Variants in SH2D3A observed in about 807,000 individuals in gnomAD.
SH2D3A encodes the protein SH2 domain containing 3A, also known as SH2 domain-containing protein 3A.
In SH2D3A, 46 loss-of-function variants were observed where a neutral mutation model predicts 50.6. The observed-to-expected ratio is 0.91, with a 90% confidence interval of 0.72 to 1.16. SH2D3A has a LOEUF of 1.16. SH2D3A is among the 50% of genes most tolerant of loss of function. The pLI is 0.00. For synonymous variants in SH2D3A, 377 were observed against 348.4 expected (o/e 1.08, Z -0.91); for missense variants, 783 against 786.2 (o/e 1.00, Z 0.05).
chr19:6,760,415 G>A (rs1370419782), intron 3 of SH2D3A, among the ~76,000 whole-genome samples: 1 of 150,266 alleles, frequency 6.7e-6, no homozygotes, highest in Non-Finnish European at 1.5e-5. Context: ...AAAATTAGCT[G>A]GGCGTGGTGG....
chr19:6,759,705 C>A, intron 3 of SH2D3A, 35 bp from the exon 4 acceptor site: 1 of 1,602,576 alleles, frequency 6.2e-7, no homozygotes. Flanking sequence ...CTGTAGTCCC[C>A]ACCTAAGCAG....
intron 1 of SH2D3A, among the ~76,000 whole-genome samples, chr19:6,766,421 G>A (rs2144658558): frequency 6.6e-6 from 1 of 152,320 alleles, no homozygotes; most frequent in African/African-American, 2.4e-5. Flanking sequence ...GCACGGAAGA[G>A]AAGAAACGGG....
At chr19:6,759,455 T>A (rs925982315) in intron 4 of SH2D3A, 139 bp downstream of exon 4, 2 of 758,802 alleles carry the variant, frequency 2.6e-6, no homozygotes, top group African/African-American at 3.5e-5. Context: ...CCCTGCATGT[T>A]TTAAGTCATC....
chr19:6,755,977 G>C (rs1969643830), intron 4 of SH2D3A, among the ~76,000 whole-genome samples: 1 of 150,768 alleles, frequency 6.6e-6, no homozygotes, highest in East Asian at 2.0e-4. Context: ...TACTTGGGAG[G>C]CAGAGGTGGG....
rs1166967286 is a variant in SH2D3A, at chr19:6,752,724, C to T, written c.1600G>A (p.Ala534Thr). 6.4e-7 allele frequency: 1 copy of T among 1,551,568 alleles called. No homozygotes were observed. The change falls in exon 10 of 10, where the codon GCC becomes ACC. Residue 534 changes from alanine (A) to threonine (T), a missense_variant. Ala to Thr is a moderately conservative substitution (Grantham distance 58). Coordinates refer to ENST00000245908, the MANE Select transcript of SH2D3A (RefSeq NM_005490.3). ...GFRPNPELRE[A>T]LTTGFVRRLL... ...CTCCGCACGAAGCCGGTGGTCAGGGCCTCCCTCAGCTCCGGGTTAGGCCGG... is the reference window on the plus strand; with the variant it reads ...CTCCGCACGAAGCCGGTGGTCAGGGTCTCCCTCAGCTCCGGGTTAGGCCGG...
At chr19:6,755,429 T>C in intron 4 of SH2D3A, 114 bp from the exon 5 acceptor site, 1 of 681,458 alleles carries the variant, frequency 1.5e-6, no homozygotes, top group Non-Finnish European at 2.3e-6. Flanking sequence ...ATTCCAATAA[T>C]GGGGTATAAC....
intron 4 of SH2D3A, 165 bp downstream of exon 4, chr19:6,759,429 T>C: frequency 3.1e-6 from 2 of 649,304 alleles, no homozygotes; most frequent in East Asian, 5.6e-5. Flanking sequence ...ACACACATTT[T>C]AAGCACCCAC....
At position 6,753,521 on chromosome 19, in the gene SH2D3A, T is replaced by C; in HGVS notation, c.1505A>G (p.His502Arg). ...ESCERLLRTLHGARHMVRDAP... is the reference protein window; with the variant it reads ...ESCERLLRTLRGARHMVRDAP... ...GTCCCGGACCATGTGACGCGCCCCG[T>C]GCAGGGTGCGCAACAGCCGCTCACA... The change falls in exon 9 of 10, where the codon CAC becomes CGC. Residue 502 changes from histidine (H) to arginine (R), a missense_variant. By Grantham distance (29) the His-to-Arg change is conservative. Transcript: ENST00000245908. The C allele has an allele frequency of 6.4e-7, 1 of 1,561,244 alleles. No homozygotes were observed. Among genetic ancestry groups the C allele is most frequent in the Non-Finnish European group, 8.7e-7 (1 of 1,153,168 alleles).
intron 9 of SH2D3A, 194 bp downstream of exon 9, chr19:6,753,262 T>C (rs540575541): frequency 4.1e-6 from 4 of 985,394 alleles, no homozygotes; most frequent in South Asian, 4.7e-5. Context: ...GACGGCCCTG[T>C]TCCTATCAAT....
At chr19:6,757,244 G>A (rs377151440) in intron 4 of SH2D3A, 96 of 146,764 alleles carry the variant, frequency 6.5e-4, no homozygotes, top group African/African-American at 2.3e-3. Context: ...CATTCTGCAC[G>A]TGTATCTTTT....
Position 6,763,680 on chromosome 19 carries a change from C to A in SH2D3A, c.69G>T (p.Gln23His), listed in dbSNP as rs776187036. 3 of 1,612,134 alleles carry A rather than the reference C, an allele frequency of 1.9e-6. No individual in the cohort carries two copies. The highest frequency in any genetic ancestry group is 2.2e-5 in the South Asian group (2 of 90,420). The change falls in exon 2 of 10, where the codon CAG becomes CAT. Residue 23 changes from glutamine (Q) to histidine (H), a missense_variant and splice_region_variant. Transcript: ENST00000245908. ...QPWYHGLLSR[Q>H]KAEALLQQNG... is the part of the protein sequence containing the mutation. ...GCTGAGGTCCTGCTGTGGGTGGTAC[C>A]TGGCGGGACAGGAGGCCGTGGTACC... is the stretch of plus-strand genomic sequence containing the variant.
intron 2 of SH2D3A, among the ~76,000 whole-genome samples, chr19:6,762,010 C>A (rs763962427): frequency 6.7e-6 from 1 of 149,868 alleles, no homozygotes; most frequent in Non-Finnish European, 1.5e-5. Context: ...GGTAGAAGGG[C>A]CAGGACCCCA....
rs55670461 is a variant in SH2D3A, at chr19:6,764,872, A to ATTT, written c.-68-1059_-68-1057dup. On this transcript the variant is annotated intron_variant, in intron 1 of 9. Transcript: ENST00000245908. ...GAGCGTGGGCCACTGTACCTGGCTAATTTTTTTTTTTTTTTTTTTTTTTGA... is the reference window on the plus strand; with the variant it reads ...GAGCGTGGGCCACTGTACCTGGCTAATTTTTTTTTTTTTTTTTTTTTTTTTTGA... 7.2e-4 allele frequency among the ~76,000 whole-genome samples: 74 copies of ATTT among 103,104 alleles called. 1 individual carries two copies. The highest frequency in any genetic ancestry group is 1.8e-3 in the African/African-American group (41 of 23,318). The allele number at this position is 103,104 out of a possible 152,430, so 67.6% of individuals were successfully genotyped here. A position where few individuals can be genotyped will look rare whatever the true frequency, so the allele number is the denominator to read the frequency against.
intron 4 of SH2D3A, among the ~76,000 whole-genome samples, chr19:6,756,285 AAT>A (rs1357258795): frequency 1.3e-5 from 2 of 150,210 alleles, no homozygotes; most frequent in Non-Finnish European, 3.0e-5. Context: ...TTTTTGTGAT[AAT>A]ATATCTCTCC....
chr19:6,753,493 T>A lies in SH2D3A; in HGVS notation c.1533A>T (p.Ala511=), dbSNP rs1568260986. 1 of 1,536,058 alleles carries A rather than the reference T, an allele frequency of 6.5e-7. No individual in the cohort carries two copies. The highest frequency in any genetic ancestry group is 1.2e-5 in the South Asian group (1 of 83,346). The change falls in exon 9 of 10, where the codon GCA becomes GCT. Residue 511 remains alanine (A), a synonymous_variant. Transcript: ENST00000245908. ...LHGARHMVRD[A]PKFRKVAAQR... ...GGGCTGCCACCTTGCGGAATTTGGGTGCGTCCCGGACCATGTGACGCGCCC... is the reference window on the plus strand; with the variant it reads ...GGGCTGCCACCTTGCGGAATTTGGGAGCGTCCCGGACCATGTGACGCGCCC...
Position 6,755,373 on chromosome 19 carries a change from G to A in SH2D3A, c.497-58C>T, listed in dbSNP as rs539820299. ...ACACAGGGAAGATTGCTGAATGGGC[G>A]GGGGTGAGAGCTTCATCGGCTACCA... is the stretch of plus-strand genomic sequence containing the variant. On this transcript the variant is annotated intron_variant, in intron 4 of 9. Coordinates refer to ENST00000245908, the MANE Select transcript of SH2D3A (RefSeq NM_005490.3). The A allele has an allele frequency of 2.6e-4, 325 of 1,255,170 alleles. 1 individual carries two copies. In the African/African-American group the frequency reaches 4.5e-3, roughly 17 times the overall value. The allele number at this position is 1,255,170 out of a possible 1,614,324, so 77.8% of individuals were successfully genotyped here.
intron 3 of SH2D3A, among the ~76,000 whole-genome samples, chr19:6,760,127 C>A (rs1969926177): frequency 6.6e-6 from 1 of 152,104 alleles, no homozygotes; most frequent in Admixed American, 6.6e-5. Context: ...GTAATCCCAG[C>A]ACTTTGGGAG....
At position 6,754,676 on chromosome 19, in the gene SH2D3A, G is replaced by C; in HGVS notation, c.1037C>G (p.Ser346Cys). The change falls in exon 6 of 10, where the codon TCT (serine) becomes TGT (cysteine). Residue 346 changes from serine to cysteine, a missense_variant. By Grantham distance (112) the Ser-to-Cys change is moderately radical. Transcript: ENST00000245908. ...GGGAAGAGTGAGCAGCTCCAGGCCA[G>C]ATGAGACTCCCATGTTGCCCCGCTG... The part of the protein sequence containing the change: ...RDQRGNMGVS[S>C]GLELLTLPHG... The C allele has an allele frequency of 6.2e-7, 1 of 1,614,216 alleles. No homozygotes were observed. Among genetic ancestry groups the C allele is most frequent in the Non-Finnish European group, 8.5e-7 (1 of 1,180,034 alleles).
At position 6,761,117 on chromosome 19, in the gene SH2D3A, G is replaced by C; in HGVS notation, c.70-130C>G. The stretch of plus-strand genomic sequence containing the variant: ...CAGTGAAACTTCTGTGGCAGGCAAA[G>C]ACGGGGAACTTTCACACCAAGTTCT... On this transcript the variant is annotated intron_variant, in intron 2 of 9. Transcript: ENST00000245908. 13 of 710,874 alleles carry C rather than the reference G, an allele frequency of 1.8e-5. No homozygotes were observed. The South Asian group carries it at 2.5e-4, about 14-fold the overall frequency. The allele number at this position is 710,874 out of a possible 1,614,324, so 44.0% of individuals were successfully genotyped here.
Sources: allele counts gnomAD v4.1 joint callset (sites outside exome capture counted in the v4.1 genomes callset), GRCh38; gene constraint gnomAD v4.1.1; transcripts MANE v1.5; gene names NCBI Gene and HGNC (gene_info 2026-07-23, HGNC 2026-07-21).